CCDC102B: variants seen among roughly 807,000 people sequenced by gnomAD.
CCDC102B encodes the protein coiled-coil domain-containing protein 102B.
Under a neutral mutation model 57.4 loss-of-function variants are expected in CCDC102B, and 75 were observed. The ratio of observed to expected loss-of-function variants is 1.31; its 90% CI spans 1.08 to 1.58. The LOEUF (loss-of-function observed/expected upper bound fraction) is 1.58, where lower values mean the gene tolerates loss of function less well. Among genes scored for constraint, CCDC102B ranks in the 40% most tolerant of loss-of-function variants. CCDC102B has a pLI of 0.00. For synonymous variants in CCDC102B, 206 were observed against 201.9 expected, an observed-to-expected ratio of 1.02 and a Z score of -0.17; for missense variants, 636 against 582.6, an observed-to-expected ratio of 1.09 and a Z score of -0.94.
chr18:68,716,121 C>CT (rs142932229), intron 1 of CCDC102B, among the ~76,000 whole-genome samples: 13,284 of 147,358 alleles, frequency 0.09, 1,460 homozygotes, highest in African/African-American at 0.26. Context: ...TCCTTTTTTT[C>CT]TTTTTTTTTT....
intron 3 of CCDC102B, among the ~76,000 whole-genome samples, chr18:68,841,647 C>A (rs2037635286): frequency 6.6e-6 from 1 of 152,112 alleles, no homozygotes; most frequent in African/African-American, 2.4e-5. Flanking sequence ...ACTGCAGAGA[C>A]CTCCTTTATC....
chr18:68,819,825 TAATGCTAA>T (rs1265428578), intron 1 of CCDC102B, among the ~76,000 whole-genome samples: 1 of 152,028 alleles, frequency 6.6e-6, no homozygotes, highest in Non-Finnish European at 1.5e-5. Context: ...CTAATGCATA[TAATGCTAA>T]AATAGAATTG....
At chr18:68,733,250 G>A (rs1348332981) in intron 2 of CCDC102B, among the ~76,000 whole-genome samples, 2 of 152,048 alleles carry the variant, frequency 1.3e-5, no homozygotes, top group South Asian at 4.2e-4. Flanking sequence ...TGCTGATTCA[G>A]AATTAAAAAC....
intron 6 of CCDC102B, among the ~76,000 whole-genome samples, chr18:68,945,868 G>A (rs1368741882): frequency 6.6e-6 from 1 of 151,990 alleles, no homozygotes; most frequent in Non-Finnish European, 1.5e-5. Flanking sequence ...CGTTGACCTT[G>A]CACACTACTG....
intron 6 of CCDC102B, among the ~76,000 whole-genome samples, chr18:68,900,626 T>C (rs962011072): frequency 1.3e-5 from 2 of 152,138 alleles, no homozygotes; most frequent in African/African-American, 4.8e-5. Context: ...CATGTCACAC[T>C]GTGTTCAAAA....
At chr18:68,738,133 G>A (rs1013331440) in intron 2 of CCDC102B, among the ~76,000 whole-genome samples, 11 of 152,092 alleles carry the variant, frequency 7.2e-5, no homozygotes, top group African/African-American at 2.7e-4. Flanking sequence ...CTTTATCACA[G>A]GTCATGGTTC....
downstream of CCDC102B, among the ~76,000 whole-genome samples, chr18:69,057,835 G>C (rs1352265856): frequency 2.0e-5 from 3 of 152,102 alleles, no homozygotes; most frequent in Admixed American, 2.0e-4. Context: ...TTAATGGAAA[G>C]TTATTTTTCC....
intron 6 of CCDC102B, among the ~76,000 whole-genome samples, chr18:68,979,538 T>C (rs1207071779): frequency 6.6e-6 from 1 of 151,974 alleles, no homozygotes; most frequent in African/African-American, 2.4e-5. Context: ...AAGAGAATAA[T>C]ATTTATTAGA....
chr18:68,857,164 TTATATA>T lies in CCDC102B; in HGVS notation c.936+10744_936+10749del, dbSNP rs1568292118. 1.0e-4 allele frequency among the ~76,000 whole-genome samples: 4 copies of T among 39,750 alleles called. 1 individual carries two copies. The highest frequency in any genetic ancestry group is 1.3e-4 in the African/African-American group (1 of 7,754). The allele number at this position is 39,750 out of a possible 152,430, so 26.1% of individuals were successfully genotyped here. On this transcript the variant is annotated intron_variant, in intron 4 of 7. Coordinates refer to ENST00000360242, the MANE Select transcript of CCDC102B (RefSeq NM_024781.3). ...TATATATAAATATATTTATATATTT[TTATATA>T]ATATATAAAAATATATTTATATATT...
chr18:68,716,172 G>A (rs2031971070), intron 1 of CCDC102B, among the ~76,000 whole-genome samples: 1 of 151,142 alleles, frequency 6.6e-6, no homozygotes, highest in Admixed American at 6.6e-5. Flanking sequence ...CTGTTGAAAT[G>A]ATGGGAATGT....
upstream of CCDC102B, among the ~76,000 whole-genome samples, chr18:68,795,127 G>T (rs920649331): frequency 6.6e-6 from 1 of 152,016 alleles, no homozygotes; most frequent in Admixed American, 6.6e-5. Flanking sequence ...TGTAAAGACG[G>T]GTTATTAAAT....
intron 6 of CCDC102B, among the ~76,000 whole-genome samples, chr18:68,913,603 C>T (rs114747547): frequency 0.022 from 3,228 of 150,112 alleles, 108 homozygotes; most frequent in African/African-American, 0.075. Flanking sequence ...TGCAGTGAGC[C>T]GAGCTGGTGC....
At chr18:68,846,865 A>G (rs2037890089) in intron 4 of CCDC102B, among the ~76,000 whole-genome samples, 1 of 151,876 alleles carries the variant, frequency 6.6e-6, no homozygotes, top group African/African-American at 2.4e-5. Flanking sequence ...GCAGCCTGAT[A>G]ATATCAATTT....
chr18:68,737,652 C>T (rs2033204273), intron 2 of CCDC102B, among the ~76,000 whole-genome samples: 1 of 152,086 alleles, frequency 6.6e-6, no homozygotes, highest in African/African-American at 2.4e-5. Context: ...ATGCTAGTAA[C>T]AAAAGACATC....
chr18:69,029,553 C>T (rs2052083624), intron 7 of CCDC102B, among the ~76,000 whole-genome samples: 1 of 152,132 alleles, frequency 6.6e-6, no homozygotes, highest in Non-Finnish European at 1.5e-5. Context: ...CTAAACCAAC[C>T]ATGTTATGAG....
In CCDC102B at chr18:68,990,388, G is replaced by T. The variant is rs570522070; in HGVS notation, c.1264-20546G>T. Among the ~76,000 whole-genome samples, 29 of 152,252 alleles carry T rather than the reference G, an allele frequency of 1.9e-4. No homozygotes were observed. In the Middle Eastern group the frequency reaches 0.01, roughly 54 times the overall value. The stretch of plus-strand genomic sequence containing the variant: ...AGGATCCAGCCTTTAATTTTCTCTG[G>T]TCATCACTTTATCTGTTTATCGTGA... On this transcript the variant is annotated intron_variant, in intron 6 of 7. Transcript: ENST00000360242.
At chr18:69,037,001 G>GTATA (rs3059237) in intron 7 of CCDC102B, among the ~76,000 whole-genome samples, 23 of 151,560 alleles carry the variant, frequency 1.5e-4, no homozygotes, top group Middle Eastern at 3.4e-3. Flanking sequence ...TTGTGTATGT[G>GTATA]TATATATATG....
At chr18:68,998,430 ATAT>A (rs1273990797) in intron 6 of CCDC102B, among the ~76,000 whole-genome samples, 3 of 34,806 alleles carry the variant, frequency 8.6e-5, no homozygotes, top group Non-Finnish European at 7.2e-4. Flanking sequence ...TATATATAAT[ATAT>A]TATATATATA....
At chr18:68,867,575 G>T (rs8088744) in intron 4 of CCDC102B, among the ~76,000 whole-genome samples, 49,892 of 151,794 alleles carry the variant, frequency 0.33, 9,666 homozygotes, top group East Asian at 0.62. Flanking sequence ...CACCTACACA[G>T]CATTATTGAA....
Sources: gnomAD v4.1 joint callset for allele counts (sites outside exome capture counted in the v4.1 genomes callset) on GRCh38, gnomAD v4.1.1 for gene constraint, MANE v1.5 for transcripts, NCBI Gene and HGNC (gene_info 2026-07-23, HGNC 2026-07-21) for gene names.